The following MON1B variants were observed in gnomAD, a reference collection of about 807,000 sequenced individuals.
MON1B encodes vacuolar fusion protein MON1 homolog B.
MON1B carries 26 observed loss-of-function variants against 45.1 expected under a neutral mutation model. That is an observed-to-expected ratio of 0.58 (90% CI 0.42 to 0.80). The LOEUF (loss-of-function observed/expected upper bound fraction) is 0.80, where lower values mean the gene tolerates loss of function less well. MON1B is among the 30% of genes least tolerant of loss of function. The pLI is 0.00. For synonymous variants in MON1B, 395 were observed against 320.2 expected (o/e 1.23, Z -2.49); for missense variants, 737 against 754.5 (o/e 0.98, Z 0.27).
Position 77,191,220 on chromosome 16 carries a change from T to C in MON1B, c.-49T>C. 6.5e-7 allele frequency: 1 copy of C among 1,536,414 alleles called. No homozygotes were observed. The highest frequency in any genetic ancestry group is 8.7e-7 in the Non-Finnish European group (1 of 1,146,928). On this transcript the variant is annotated 5_prime_UTR_variant, in exon 1 of 6. Transcript: ENST00000248248. ...TGATGCCACCGCCGCTACGGGGAAG[T>C]AATGGTATCCGGCCAATTGAGATTC...
rs755766952 is a variant in MON1B, at chr16:77,198,248, C to T, written c.1584C>T (p.Ser528=). 1.2e-6 allele frequency: 2 copies of T among 1,614,180 alleles called. No individual in the cohort carries two copies. Among genetic ancestry groups the T allele is most frequent in the African/African-American group, 1.3e-5 (1 of 75,054 alleles). ...RLFIRYPPKY[S]TPPATSTDQA... ...TCATTCGTTACCCACCCAAGTACTC[C>T]ACACCACCAGCCACCTCTACGGACC... The change falls in exon 6 of 6, where the codon TCC becomes TCT. Residue 528 remains serine (S), a synonymous_variant. Coordinates refer to ENST00000248248, the MANE Select transcript of MON1B (RefSeq NM_014940.4).
rs954990322 is a variant in MON1B, at chr16:77,198,595, G to T, written c.*287G>T. 1.1e-5 allele frequency: 5 copies of T among 449,118 alleles called. No individual in the cohort carries two copies. Among genetic ancestry groups the T allele is most frequent in the African/African-American group, 9.9e-5 (5 of 50,498 alleles). 27.8% of individuals were successfully genotyped at this position (449,118 alleles called of 1,614,324 possible). The stretch of plus-strand genomic sequence containing the variant: ...CCACTTGGATGATGCTCTAGCCTCT[G>T]TCAGGGACTGTCCCCTCCAAACTTG... On this transcript the variant is annotated 3_prime_UTR_variant, in exon 6 of 6. Transcript: ENST00000248248.
rs2142508001 is a variant in MON1B at position 77,200,279 on chromosome 16, T to TAC, written c.*1972_*1973insCA. 9.1e-6 allele frequency: 1 copy of TAC among 110,008 alleles called. No individual in the cohort carries two copies. The highest frequency in any genetic ancestry group is 3.1e-5 in the African/African-American group (1 of 32,464). 6.8% of individuals were successfully genotyped at this position (110,008 alleles called of 1,614,324 possible). Reference sequence around the variant, plus strand: ...GTGTATATATATATATATGTGTATATATATATATATATACACACACTAATC... The same window carrying TAC: ...GTGTATATATATATATATGTGTATATACATATATATATATACACACACTAATC... On this transcript the variant is annotated 3_prime_UTR_variant, in exon 6 of 6. Coordinates refer to ENST00000248248, the MANE Select transcript of MON1B (RefSeq NM_014940.4).
rs1470595620 is a variant in MON1B, at chr16:77,191,529, C to T, written c.44C>T (p.Ala15Val). Residue 15 changes from alanine to valine, a missense_variant, in exon 2 of 6, where the codon GCG becomes GTG. Physicochemically the swap from Ala to Val is moderately conservative, Grantham distance 64. Transcript: ENST00000248248. ...ACTGCTGCCCCGGCCCCCGGGGGCG[C>T]GGAGGACTTGGAGGACACGCAGTTC... ...GDTAAPAPGG[A>V]EDLEDTQFPS... The T allele has an allele frequency of 1.2e-6, 2 of 1,608,878 alleles. No homozygotes were observed. Among genetic ancestry groups the T allele is most frequent in the African/African-American group, 2.7e-5 (2 of 74,526 alleles).
rs1482408633 is a variant in MON1B, at chr16:77,191,589, A to G, written c.104A>G (p.His35Arg). 1.2e-6 allele frequency: 2 copies of G among 1,610,552 alleles called. No homozygotes were observed. The highest frequency in any genetic ancestry group is 1.7e-6 in the Non-Finnish European group (2 of 1,179,086). The change falls in exon 2 of 6, where the codon CAC becomes CGC. Residue 35 changes from histidine to arginine, a missense_variant. By Grantham distance (29) the His-to-Arg change is conservative (BLOSUM62 0). Coordinates refer to ENST00000248248, the MANE Select transcript of MON1B (RefSeq NM_014940.4). ...GAAGCTAGAGAAGGTGGAGGGGTTC[A>G]CGCGGTCCCGCCGGATCCCGAAGAC... ...SEEAREGGGV[H>R]AVPPDPEDEG...
Position 77,199,787 on chromosome 16 carries a change from C to G in MON1B, c.*1479C>G, listed in dbSNP as rs1597379906. 6.1e-6 allele frequency: 2 copies of G among 329,324 alleles called. No homozygotes were observed. The highest frequency in any genetic ancestry group is 1.1e-4 in the East Asian group (2 of 17,892). The allele number at this position is 329,324 out of a possible 1,614,324, so 20.4% of individuals were successfully genotyped here. ...GTAGTTCAGTACGAAAGTCTTCAAACAAAAGTGGGGCGGTGGGGATGTTCT... is the reference window on the plus strand; with the variant it reads ...GTAGTTCAGTACGAAAGTCTTCAAAGAAAAGTGGGGCGGTGGGGATGTTCT... On this transcript the variant is annotated 3_prime_UTR_variant, in exon 6 of 6. Transcript: ENST00000248248.
At chr16:77,196,686 G>T (rs2054668790) in intron 5 of MON1B, among the ~76,000 whole-genome samples, 1 of 152,198 alleles carries the variant, frequency 6.6e-6, no homozygotes, top group South Asian at 2.1e-4. Flanking sequence ...TGAGGCAGGA[G>T]AATCGCTTGA....
chr16:77,197,469 C>T (rs545380480), intron 5 of MON1B, among the ~76,000 whole-genome samples: 1 of 152,106 alleles, frequency 6.6e-6, no homozygotes, highest in African/African-American at 2.4e-5. Flanking sequence ...AGGGTGGCCT[C>T]CCTGAGCAGA....
chr16:77,199,392 C>A lies in MON1B; in HGVS notation c.*1084C>A, dbSNP rs1002763653. On this transcript the variant is annotated 3_prime_UTR_variant, in exon 6 of 6. Coordinates refer to ENST00000248248, the MANE Select transcript of MON1B (RefSeq NM_014940.4). ...CGTGCTGAAAAGCCTTTCACCCTCA[C>A]GTGGTTTCTTTTTTAACCAGTCATC... 7 of 1,512,912 alleles carry A rather than the reference C, an allele frequency of 4.6e-6. No homozygotes were observed. The Admixed American group carries it at 8.0e-5, about 17-fold the overall frequency. The allele number at this position is 1,512,912 out of a possible 1,614,324, so 93.7% of individuals were successfully genotyped here.
rs2054728239 is a variant in MON1B at position 77,200,529 on chromosome 16, G to GT, written c.*2222dup. 6.6e-6 allele frequency: 1 copy of GT among 151,254 alleles called. No homozygotes were observed. Among genetic ancestry groups the GT allele is most frequent in the Non-Finnish European group, 1.5e-5 (1 of 67,860 alleles). The allele number at this position is 151,254 out of a possible 1,614,324, so 9.4% of individuals were successfully genotyped here. On this transcript the variant is annotated 3_prime_UTR_variant, in exon 6 of 6. Transcript: ENST00000248248. ...CCAGCACTTTGGAAGGCCGAGGCGG[G>GT]TGGGTCACCTGAGGTCAGGAGTTTG...
chr16:77,193,461 C>G lies in MON1B; in HGVS notation c.159C>G (p.Asp53Glu). Residue 53 changes from aspartate to glutamate, a missense_variant, in exon 3 of 6, where the codon GAC becomes GAG. Coordinates refer to ENST00000248248, the MANE Select transcript of MON1B (RefSeq NM_014940.4). The surrounding 1 kb of genome is among the most constrained non-coding windows in gnomAD (Gnocchi z 5.0). ...GGGGCTCCCTTTCAGGATCCAAGGACAAGGACCAGCCACCCAGCCCATCAC... is the reference window on the plus strand; with the variant it reads ...GGGGCTCCCTTTCAGGATCCAAGGAGAAGGACCAGCCACCCAGCCCATCAC... Reference protein sequence around the residue: ...DEGLEETGSKDKDQPPSPSPP... With the variant: ...DEGLEETGSKEKDQPPSPSPP... 4 of 1,557,942 alleles carry G rather than the reference C, an allele frequency of 2.6e-6. No homozygotes were observed. The highest frequency in any genetic ancestry group is 1.2e-5 in the South Asian group (1 of 82,054).
rs530277758 is a variant in MON1B, at chr16:77,197,549, G to A, written c.1444-559G>A. Among the ~76,000 whole-genome samples, 37 of 152,264 alleles carry A rather than the reference G, an allele frequency of 2.4e-4. 1 individual carries two copies. The highest frequency in any genetic ancestry group is 2.4e-3 in the Admixed American group (37 of 15,292). On this transcript the variant is annotated intron_variant, in intron 5 of 5. Transcript: ENST00000248248. ...AGGAGGAAGAGTACACCTGGCAGAGGGAAAGGACTGATATGCTATGAGGTG... is the reference window on the plus strand; with the variant it reads ...AGGAGGAAGAGTACACCTGGCAGAGAGAAAGGACTGATATGCTATGAGGTG...
At chr16:77,197,094 C>A (rs1241756482) in intron 5 of MON1B, among the ~76,000 whole-genome samples, 1 of 152,090 alleles carries the variant, frequency 6.6e-6, no homozygotes, top group African/African-American at 2.4e-5. Flanking sequence ...AAGATATGGG[C>A]CAGACACGGT....
Position 77,194,312 on chromosome 16 carries a change from CT to C in MON1B, c.476-21del, listed in dbSNP as rs1167563307. 5 of 1,591,578 alleles carry C rather than the reference CT, an allele frequency of 3.1e-6. No individual in the cohort carries two copies. In the African/African-American group the frequency reaches 5.4e-5, roughly 17 times the overall value. ...CATTCCTGATCCAGCTGTACCCCCC[CT>C]TCTTACCCCTTCCTTCCCTAGAGGA... On this transcript the variant is annotated intron_variant, in intron 3 of 5. Transcript: ENST00000248248. The surrounding 1 kb of genome is among the most constrained non-coding windows in gnomAD (Gnocchi z 8.1).
chr16:77,193,507 C>G lies in MON1B; in HGVS notation c.205C>G (p.Leu69Val). Reference protein sequence around the residue: ...SPSPPPQSEALSSTSRLWSPA... With the variant: ...SPSPPPQSEAVSSTSRLWSPA... ...ATCACCACCGCCCCAGTCAGAGGCC[C>G]TGTCAAGCACCTCTCGGCTCTGGAG... Residue 69 changes from leucine to valine, a missense_variant, in exon 3 of 6, where the codon CTG (leucine) becomes GTG (valine). Transcript: ENST00000248248. The surrounding 1 kb of genome is among the most constrained non-coding windows in gnomAD (Gnocchi z 5.0). 1 of 1,606,494 alleles carries G rather than the reference C, an allele frequency of 6.2e-7. No individual in the cohort carries two copies. The highest frequency in any genetic ancestry group is 1.1e-5 in the South Asian group (1 of 90,310).
rs2054645178 is a variant in MON1B at position 77,194,584 on chromosome 16, C to T, written c.725C>T (p.Ala242Val). Residue 242 changes from alanine to valine, a missense_variant, in exon 4 of 6, where the codon GCC becomes GTC. Ala to Val is a moderately conservative substitution (Grantham distance 64). Transcript: ENST00000248248. This position sits in a 1 kb window ranked among gnomAD's most constrained non-coding sequence, Gnocchi z 8.1. Reference protein sequence around the residue: ...LLDSMEQDPGALLLGAVRCVP... With the variant: ...LLDSMEQDPGVLLLGAVRCVP... ...GACAGTATGGAGCAGGACCCAGGAG[C>T]CCTGCTCCTGGGTGCCGTGCGCTGT... 6.2e-7 allele frequency: 1 copy of T among 1,613,802 alleles called. No individual in the cohort carries two copies. Among genetic ancestry groups the T allele is most frequent in the Admixed American group, 1.7e-5 (1 of 59,978 alleles).
In MON1B at chr16:77,194,464, C is replaced by A; in HGVS notation, c.605C>A (p.Thr202Lys). The A allele has an allele frequency of 1.9e-6, 3 of 1,614,122 alleles. No homozygotes were observed. The highest frequency in any genetic ancestry group is 2.5e-6 in the Non-Finnish European group (3 of 1,180,018). ...AVHAQIVSTL[T>K]RASVARIFAH... Reference sequence around the variant, plus strand: ...CACGCACAGATCGTGAGCACACTTACACGTGCAAGTGTCGCCCGCATCTTC... The same window carrying A: ...CACGCACAGATCGTGAGCACACTTAAACGTGCAAGTGTCGCCCGCATCTTC... Residue 202 changes from threonine (T) to lysine (K), a missense_variant, in exon 4 of 6, where the codon ACA (threonine) becomes AAA (lysine). Transcript: ENST00000248248. This position sits in a 1 kb window ranked among gnomAD's most constrained non-coding sequence, Gnocchi z 8.1.
At position 77,198,751 on chromosome 16, in the gene MON1B, G is replaced by T. The variant is rs2054694858; in HGVS notation, c.*443G>T. On this transcript the variant is annotated 3_prime_UTR_variant, in exon 6 of 6. Coordinates refer to ENST00000248248, the MANE Select transcript of MON1B (RefSeq NM_014940.4). ...GGCTATGCTTGGGACTGGCCTGAGG[G>T]TATTTTAAAGAAAAAAACTACATAA... The T allele has an allele frequency of 5.5e-6, 1 of 181,106 alleles. No individual in the cohort carries two copies. Among genetic ancestry groups the T allele is most frequent in the Admixed American group, 5.3e-5 (1 of 18,700 alleles). 11.2% of individuals were successfully genotyped at this position (181,106 alleles called of 1,614,324 possible).
Position 77,194,275 on chromosome 16 carries a change from T to C in MON1B, c.476-60T>C, listed in dbSNP as rs1171873485. 1 of 1,445,168 alleles carries C rather than the reference T, an allele frequency of 6.9e-7. No individual in the cohort carries two copies. Among genetic ancestry groups the C allele is most frequent in the Admixed American group, 1.7e-5 (1 of 59,810 alleles). 89.5% of individuals were successfully genotyped at this position (1,445,168 alleles called of 1,614,324 possible). ...AGGAGAGGGCAGAAGAGCCCCACTG[T>C]CTCCCTCTGGTCATTCCTGATCCAG... is the stretch of plus-strand genomic sequence containing the variant. On this transcript the variant is annotated intron_variant, in intron 3 of 5. Transcript: ENST00000248248. This position sits in a 1 kb window ranked among gnomAD's most constrained non-coding sequence, Gnocchi z 8.1.
Sources: gnomAD v4.1 joint callset for allele counts (sites outside exome capture counted in the v4.1 genomes callset) on GRCh38, gnomAD v4.1.1 for gene constraint, Gnocchi (gnomAD v3.1) non-coding constraint, MANE v1.5 for transcripts, NCBI Gene and HGNC (gene_info 2026-07-23, HGNC 2026-07-21) for gene names.